ANO2: variants seen among roughly 807,000 people sequenced by gnomAD.
ANO2 encodes the protein anoctamin-2.
A neutral mutation model predicts 124.2 loss-of-function variants in ANO2; 101 were observed. The observed-to-expected ratio is 0.81, with a 90% CI of 0.69 to 0.96. The LOEUF (loss-of-function observed/expected upper bound fraction) is 0.96, where lower values mean the gene tolerates loss of function less well. ANO2 is among the 40% of genes least tolerant of loss of function. The pLI, the probability that ANO2 is intolerant of heterozygous loss-of-function variation, is 0.00. For synonymous variants in ANO2, 486 were observed against 482.5 expected, an observed-to-expected ratio of 1.01 and a Z score of -0.09; for missense variants, 1,293 against 1,274.5, an observed-to-expected ratio of 1.01 and a Z score of -0.22.
chr12:5,872,719 T>C (rs1463593738), intron 3 of ANO2, among the ~76,000 whole-genome samples: 1 of 152,152 alleles, frequency 6.6e-6, no homozygotes, highest in Non-Finnish European at 1.5e-5. Context: ...AAAATCTTTC[T>C]AAATAGTCCT....
chr12:5,707,749 G>A (rs1336433475), intron 14 of ANO2, among the ~76,000 whole-genome samples: 1 of 152,086 alleles, frequency 6.6e-6, no homozygotes, highest in Non-Finnish European at 1.5e-5. Flanking sequence ...GCTTTCCCCT[G>A]GTCTCTCCTT....
chr12:5,627,844 G>C (rs940846921), intron 16 of ANO2, among the ~76,000 whole-genome samples: 1 of 152,106 alleles, frequency 6.6e-6, no homozygotes, highest in Admixed American at 6.5e-5. Flanking sequence ...AGTAGTCCCA[G>C]CATTTGGAGA....
chr12:5,658,114 T>C lies in ANO2; in HGVS notation c.1546-10313A>G, dbSNP rs546455571. Among the ~76,000 whole-genome samples, 3 of 152,166 alleles carry C rather than the reference T, an allele frequency of 2.0e-5. No individual in the cohort carries two copies. Among genetic ancestry groups the C allele is most frequent in the Non-Finnish European group, 4.4e-5 (3 of 67,998 alleles). ...TTCCTTGCTGGAGGGCATCTCACCA[T>C]GTCCTGGGAATACTGCAGTATGGTC... is the stretch of plus-strand genomic sequence containing the variant. On this transcript the variant is annotated intron_variant, in intron 14 of 24. Coordinates refer to ENST00000682330, the MANE Select transcript of ANO2 (RefSeq NM_001364791.2). The surrounding 1 kb of genome is among the most constrained non-coding windows in gnomAD (Gnocchi z 4.3).
intron 19 of ANO2, among the ~76,000 whole-genome samples, chr12:5,600,407 T>A (rs1943881364): frequency 6.6e-6 from 1 of 152,194 alleles, no homozygotes; most frequent in South Asian, 2.1e-4. Context: ...CAGTTAAGCC[T>A]ATGGCATTTT....
intron 2 of ANO2, 56 bp from the exon 3 acceptor site, chr12:5,921,422 C>A (rs927688513): frequency 5.2e-6 from 8 of 1,534,040 alleles, no homozygotes; most frequent in Non-Finnish European, 7.1e-6. Flanking sequence ...GGGTGAGAAA[C>A]AGAGGAGGCT....
chr12:5,927,727 A>C (rs1464765435), intron 1 of ANO2, among the ~76,000 whole-genome samples: 2 of 152,266 alleles, frequency 1.3e-5, no homozygotes, highest in African/African-American at 4.8e-5. Flanking sequence ...AGAAGGCATA[A>C]GCCCACATGC....
rs1955292346 is a variant in ANO2 at position 5,862,238 on chromosome 12, G to T, written c.535-8097C>A. ...TCCTGCATAGGCCAAGGTGAAGGTG[G>T]CCAATAATCAGCAGAGGCAGAAGAC... On this transcript the variant is annotated intron_variant, in intron 3 of 24. Coordinates refer to ENST00000682330, the MANE Select transcript of ANO2 (RefSeq NM_001364791.2). The surrounding 1 kb of genome is among the most constrained non-coding windows in gnomAD (Gnocchi z 4.0). 6.6e-6 allele frequency among the ~76,000 whole-genome samples: 1 copy of T among 152,096 alleles called. No homozygotes were observed. The highest frequency in any genetic ancestry group is 2.4e-5 in the African/African-American group (1 of 41,406).
chr12:5,933,997 A>G (rs1252578923), intron 1 of ANO2, among the ~76,000 whole-genome samples: 1 of 152,220 alleles, frequency 6.6e-6, no homozygotes, highest in Non-Finnish European at 1.5e-5. Flanking sequence ...GAACTGAGGA[A>G]TCCTTTCTTG....
intron 3 of ANO2, among the ~76,000 whole-genome samples, chr12:5,857,786 A>ATAGG (rs1321769131): frequency 6.6e-6 from 1 of 151,818 alleles, no homozygotes; most frequent in Non-Finnish European, 1.5e-5. Context: ...AGATAGATAG[A>ATAGG]TAGATAGATA....
At chr12:5,688,864 A>G (rs1309771899) in intron 14 of ANO2, among the ~76,000 whole-genome samples, 1 of 127,108 alleles carries the variant, frequency 7.9e-6, no homozygotes, top group Non-Finnish European at 1.6e-5. Flanking sequence ...GGAAGACTCT[A>G]TGTCTCCTAC....
chr12:5,610,536 CAT>C lies in ANO2; in HGVS notation c.2087+2118_2087+2119del, dbSNP rs532896982. On this transcript the variant is annotated intron_variant, in intron 19 of 24. Transcript: ENST00000682330. ...TATACAAATTTTTATATGTATAAAA[CAT>C]ATTTTATGTTTTATAAAATATATAT... 2.3e-4 allele frequency among the ~76,000 whole-genome samples: 31 copies of C among 135,578 alleles called. No individual in the cohort carries two copies. In the South Asian group the frequency reaches 5.2e-3, roughly 23 times the overall value. 88.9% of individuals were successfully genotyped at this position (135,578 alleles called of 152,430 possible).
chr12:5,834,052 C>A (rs935147445), intron 4 of ANO2, among the ~76,000 whole-genome samples: 2 of 152,050 alleles, frequency 1.3e-5, no homozygotes, highest in Non-Finnish European at 2.9e-5. Flanking sequence ...AGCAGGCATA[C>A]AACTAAAGCC....
chr12:5,779,887 G>A (rs1317762294), intron 10 of ANO2, among the ~76,000 whole-genome samples: 2 of 152,152 alleles, frequency 1.3e-5, no homozygotes, highest in Non-Finnish European at 2.9e-5. Context: ...CAGATTGAAG[G>A]AGGCTATATA....
chr12:5,694,420 C>A (rs1296615955), intron 14 of ANO2, among the ~76,000 whole-genome samples: 1 of 152,152 alleles, frequency 6.6e-6, no homozygotes, highest in African/African-American at 2.4e-5. Flanking sequence ...AGTTCAGACC[C>A]ACTAGCGAGT....
chr12:5,728,166 G>C (rs1950516035), intron 14 of ANO2, among the ~76,000 whole-genome samples: 1 of 152,100 alleles, frequency 6.6e-6, no homozygotes, highest in South Asian at 2.1e-4. Flanking sequence ...GAAATGGGTG[G>C]AGCAAGCAGG....
chr12:5,660,998 T>C (rs1167065196), intron 14 of ANO2, among the ~76,000 whole-genome samples: 1 of 152,194 alleles, frequency 6.6e-6, no homozygotes, highest in Admixed American at 6.5e-5. Flanking sequence ...CTCTCAACAG[T>C]TTGAGAAAAA....
At chr12:5,737,707 G>A (rs6489657) in intron 13 of ANO2, among the ~76,000 whole-genome samples, 91,875 of 151,906 alleles carry the variant, frequency 0.6, 28,269 homozygotes, top group African/African-American at 0.7. Flanking sequence ...TATATGAGAC[G>A]TATTTCAGCT....
At chr12:5,766,404 A>C (rs1186110255) in intron 10 of ANO2, among the ~76,000 whole-genome samples, 1 of 152,248 alleles carries the variant, frequency 6.6e-6, no homozygotes, top group Admixed American at 6.5e-5. Flanking sequence ...ACATGACCAC[A>C]CAAGTGAATC....
chr12:5,854,965 CA>C (rs1354995187), intron 3 of ANO2, among the ~76,000 whole-genome samples: 2 of 146,850 alleles, frequency 1.4e-5, no homozygotes, highest in East Asian at 2.0e-4. Context: ...CAAGCACGCA[CA>C]GGGGAAAAAA....
Sources: gnomAD v4.1 joint callset for allele counts (sites outside exome capture counted in the v4.1 genomes callset) on GRCh38, gnomAD v4.1.1 for gene constraint, Gnocchi (gnomAD v3.1) non-coding constraint, MANE v1.5 for transcripts, NCBI Gene and HGNC (gene_info 2026-07-23, HGNC 2026-07-21) for gene names.